Variants in AHDC1 observed in about 807,000 individuals in gnomAD.
The protein encoded by AHDC1 is AT-hook DNA binding motif containing 1.
A neutral mutation model predicts 87.9 loss-of-function variants in AHDC1; 7 were observed. The observed-to-expected ratio is 0.08, with a 90% CI of 0.05 to 0.15. The LOEUF (loss-of-function observed/expected upper bound fraction) is 0.15, where lower values mean the gene tolerates loss of function less well. Among genes scored for constraint, AHDC1 ranks in the 10% least tolerant of loss-of-function variants. The pLI is 1.00. For missense variants in AHDC1, 1,841 were observed against 2,253.2 expected (o/e 0.82, Z 3.70); for synonymous variants, 1,051 against 1,006.8 (o/e 1.04, Z -0.83).
Position 27,534,612 on chromosome 1 carries a change from C to T in AHDC1, c.*348G>A, listed in dbSNP as rs1233661361. On this transcript the variant is annotated 3_prime_UTR_variant, in exon 9 of 9. Transcript: ENST00000673934. ...GCAGGGGCTCTGGACACCTCGGGGCCCCGCTCGCAACCTCTTGCACACGCT... is the reference window on the plus strand; with the variant it reads ...GCAGGGGCTCTGGACACCTCGGGGCTCCGCTCGCAACCTCTTGCACACGCT... 6.6e-6 allele frequency: 1 copy of T among 151,992 alleles called. No individual in the cohort carries two copies. Among genetic ancestry groups the T allele is most frequent in the African/African-American group, 2.4e-5 (1 of 41,266 alleles). 9.4% of individuals were successfully genotyped at this position (151,992 alleles called of 1,614,324 possible). A position where few individuals can be genotyped will look rare whatever the true frequency, so the allele number is the denominator to read the frequency against.
intron 3 of AHDC1, 57 bp downstream of exon 3, chr1:27,603,340 A>G (rs2089594759): frequency 6.6e-6 from 1 of 151,910 alleles, no homozygotes; most frequent in Admixed American, 6.5e-5. Context: ...TGCACAAAAG[A>G]GCCTGGCCGG....
At chr1:27,568,822 G>A (rs2020440968) in intron 3 of AHDC1, among the ~76,000 whole-genome samples, 1 of 151,898 alleles carries the variant, frequency 6.6e-6, no homozygotes, top group Non-Finnish European at 1.5e-5. Flanking sequence ...CGGAAACAGG[G>A]GATCCCCCAG....
chr1:27,550,181 C>A lies in AHDC1; in HGVS notation c.1935G>T (p.Ser645=). 1 of 1,612,056 alleles carries A rather than the reference C, an allele frequency of 6.2e-7. No individual in the cohort carries two copies. The highest frequency in any genetic ancestry group is 8.5e-7 in the Non-Finnish European group (1 of 1,179,798). Reference sequence around the variant, plus strand: ...TCTGGGTGTCGGGGGCCTGGTGCACCGACTCCGGCTCACTGGGTGTCCAGC... The same window carrying A: ...TCTGGGTGTCGGGGGCCTGGTGCACAGACTCCGGCTCACTGGGTGTCCAGC... The part of the protein sequence containing the change: ...PRCWTPSEPE[S]VHQAPDTQSI... The change falls in exon 8 of 9, where the codon TCG becomes TCT. Residue 645 remains serine, a synonymous_variant. Transcript: ENST00000673934.
rs773786881 is a variant in AHDC1, at chr1:27,550,574, C to T, written c.1542G>A (p.Ser514=). The part of the protein sequence containing the change: ...VEGKELGLRV[S]AEPTPLLKMK... ...TCTTCAGCAGCGGGGTGGGCTCAGC[C>T]GACACGCGCAGGCCCAGCTCCTTGC... Residue 514 remains serine, a synonymous_variant, in exon 8 of 9, where the codon TCG becomes TCA. Transcript: ENST00000673934. 1.9e-5 allele frequency: 31 copies of T among 1,613,570 alleles called. No individual in the cohort carries two copies. The South Asian group carries it at 2.3e-4, about 12-fold the overall frequency.
rs536943721 is a variant in AHDC1 at position 27,560,043 on chromosome 1, G to A, written c.-628-1160C>T. Reference sequence around the variant, plus strand: ...TCTGTGTGGGTACATGTGGGCTTAAGCGTGTCCATGTGTGGGATCACGCGT... The same window carrying A: ...TCTGTGTGGGTACATGTGGGCTTAAACGTGTCCATGTGTGGGATCACGCGT... On this transcript the variant is annotated intron_variant, in intron 3 of 8. Transcript: ENST00000673934. The surrounding 1 kb of genome is among the most constrained non-coding windows in gnomAD (Gnocchi z 4.1). Among the ~76,000 whole-genome samples, 60 of 152,350 alleles carry A rather than the reference G, an allele frequency of 3.9e-4. No individual in the cohort carries two copies. The highest frequency in any genetic ancestry group is 1.7e-3 in the South Asian group (8 of 4,828).
rs2019145671 is a variant in AHDC1, at chr1:27,545,945, C to T, written c.*43+1316G>A. On this transcript the variant is annotated intron_variant, in intron 8 of 8. Transcript: ENST00000673934. Reference sequence around the variant, plus strand: ...AGGCCTCCGGACTCCTGCATGCTGCCCTTTGTCACCTTCAGGCACCAGGGG... The same window carrying T: ...AGGCCTCCGGACTCCTGCATGCTGCTCTTTGTCACCTTCAGGCACCAGGGG... Among the ~76,000 whole-genome samples the T allele has an allele frequency of 2.0e-5, 3 of 152,166 alleles. No homozygotes were observed. The South Asian group carries it at 6.2e-4, about 31-fold the overall frequency.
rs774910302 is a variant in AHDC1, at chr1:27,549,622, G to A, written c.2494C>T (p.Arg832Cys). Residue 832 changes from arginine to cysteine, a missense_variant, in exon 8 of 9, where the codon CGC becomes TGC. Coordinates refer to ENST00000673934, the MANE Select transcript of AHDC1 (RefSeq NM_001371928.1). The part of the protein sequence containing the change: ...PSGQTELSQE[R>C]QNLFTGYFRS... ...AAGTAGCCGGTGAAGAGGTTTTGGC[G>A]CTCCTGGCTGAGCTCGGTCTGGCCT... The A allele has an allele frequency of 1.3e-5, 21 of 1,613,024 alleles. No individual in the cohort carries two copies. Among genetic ancestry groups the A allele is most frequent in the South Asian group, 9.9e-5 (9 of 91,082 alleles).
chr1:27,569,446 C>T (rs2020473906), intron 3 of AHDC1, among the ~76,000 whole-genome samples: 2 of 152,124 alleles, frequency 1.3e-5, no homozygotes, highest in Admixed American at 6.5e-5. Flanking sequence ...TCATCTCAGC[C>T]TCCCATCACA....
Position 27,551,342 on chromosome 1 carries a change from C to T in AHDC1, c.774G>A (p.Leu258=). 6.2e-7 allele frequency: 1 copy of T among 1,613,378 alleles called. No individual in the cohort carries two copies. Among genetic ancestry groups the T allele is most frequent in the Non-Finnish European group, 8.5e-7 (1 of 1,179,894 alleles). Residue 258 remains leucine, a synonymous_variant, in exon 8 of 9, where the codon CTG becomes CTA. Transcript: ENST00000673934. ...GTGGCTCGAGGGCCTGGGCCTCTAGCAGCTGGGCCTCTGGGCAAGTGAGGG... is the reference window on the plus strand; with the variant it reads ...GTGGCTCGAGGGCCTGGGCCTCTAGTAGCTGGGCCTCTGGGCAAGTGAGGG... ...LASLTCPEAQ[L]LEAQALEPPS...
At position 27,550,970 on chromosome 1, in the gene AHDC1, G is replaced by T; in HGVS notation, c.1146C>A (p.Tyr382Ter). ...GPPGPEGHPK[Y>*]ALRRTDRPKI... Reference sequence around the variant, plus strand: ...TTGGCCTATCAGTGCGCCGCAAGGCGTACTTGGGGTGACCCTCAGGCCCGG... The same window carrying T: ...TTGGCCTATCAGTGCGCCGCAAGGCTTACTTGGGGTGACCCTCAGGCCCGG... The change falls in exon 8 of 9, where the codon TAC becomes TAA. Residue 382 changes from tyrosine to a stop codon, truncating the protein, a stop_gained. Transcript: ENST00000673934. LOFTEE classifies it high-confidence loss of function. The T allele has an allele frequency of 6.3e-7, 1 of 1,593,134 alleles. No individual in the cohort carries two copies.
chr1:27,576,234 T>C (rs2088743957), intron 3 of AHDC1, among the ~76,000 whole-genome samples: 1 of 152,130 alleles, frequency 6.6e-6, no homozygotes, highest in Non-Finnish European at 1.5e-5. Context: ...TACCCGGCTT[T>C]ATAGGGTAGG....
chr1:27,546,328 CTTTTA>C (rs111916109), intron 8 of AHDC1, among the ~76,000 whole-genome samples: 12,473 of 152,170 alleles, frequency 0.082, 536 homozygotes, highest in Middle Eastern at 0.13. Context: ...CATTTTCTGT[CTTTTA>C]TTTTCCTTTT....
chr1:27,556,363 C>A (rs1183107136), intron 5 of AHDC1, among the ~76,000 whole-genome samples: 1 of 151,958 alleles, frequency 6.6e-6, no homozygotes, highest in Non-Finnish European at 1.5e-5. Flanking sequence ...GTTCGAAGGC[C>A]CTGGGATGTC....
chr1:27,574,597 G>T (rs1289992809), intron 3 of AHDC1, among the ~76,000 whole-genome samples: 1 of 152,190 alleles, frequency 6.6e-6, no homozygotes, highest in Non-Finnish European at 1.5e-5. Flanking sequence ...GTTTACCATG[G>T]TGAGAGTATG....
At position 27,560,807 on chromosome 1, in the gene AHDC1, G is replaced by A. The variant is rs1256762690; in HGVS notation, c.-628-1924C>T. 6.6e-6 allele frequency among the ~76,000 whole-genome samples: 1 copy of A among 152,088 alleles called. No homozygotes were observed. The highest frequency in any genetic ancestry group is 1.5e-5 in the Non-Finnish European group (1 of 68,016). ...GTGTGCCATGGTGTGTCAGCACAAC[G>A]GTGCCCCAGGGTTTGTGTGGTACCT... On this transcript the variant is annotated intron_variant, in intron 3 of 8. Coordinates refer to ENST00000673934, the MANE Select transcript of AHDC1 (RefSeq NM_001371928.1). This position sits in a 1 kb window ranked among gnomAD's most constrained non-coding sequence, Gnocchi z 4.1.
intron 5 of AHDC1, among the ~76,000 whole-genome samples, chr1:27,557,746 G>C (rs777470813): frequency 6.6e-6 from 1 of 152,110 alleles, no homozygotes; most frequent in Non-Finnish European, 1.5e-5. Context: ...CATCCAGTGT[G>C]GCACACACAG....
chr1:27,552,393 A>T, intron 7 of AHDC1: 3 of 375,584 alleles, frequency 8.0e-6, no homozygotes, highest in Middle Eastern at 6.8e-4. Flanking sequence ...TCATGGGCCC[A>T]GTTTCACTTT....
At chr1:27,588,368 C>T (rs1051845506) in intron 3 of AHDC1, among the ~76,000 whole-genome samples, 2 of 152,218 alleles carry the variant, frequency 1.3e-5, no homozygotes, top group Non-Finnish European at 1.5e-5. Context: ...ATCTTGGTCA[C>T]CACAGTATCC....
intron 3 of AHDC1, among the ~76,000 whole-genome samples, chr1:27,564,306 TGA>T (rs1167785085): frequency 6.6e-6 from 1 of 151,892 alleles, no homozygotes; most frequent in East Asian, 1.9e-4. Flanking sequence ...GGGGCCGCAG[TGA>T]GAGAAGTGCC....
Sources: allele counts gnomAD v4.1 joint callset (sites outside exome capture counted in the v4.1 genomes callset), GRCh38; gene constraint gnomAD v4.1.1; non-coding constraint Gnocchi (gnomAD v3.1); transcripts MANE v1.5; gene names NCBI Gene and HGNC (gene_info 2026-07-23, HGNC 2026-07-21).